PARD3: variants seen among roughly 807,000 people sequenced by gnomAD.
The protein encoded by PARD3 is par-3 family cell polarity regulator.
PARD3 carries 75 observed loss-of-function variants against 155.4 expected under a neutral mutation model. That is an observed-to-expected ratio of 0.48 (90% CI 0.40 to 0.58). The LOEUF is 0.58. Among genes scored for constraint, PARD3 ranks in the 20% least tolerant of loss-of-function variants. PARD3 has a pLI of 0.00. For missense variants in PARD3, 1,642 were observed against 1,721.7 expected (o/e 0.95, Z 0.82); for synonymous variants, 576 against 610.5 (o/e 0.94, Z 0.83).
intron 1 of PARD3, among the ~76,000 whole-genome samples, chr10:34,726,324 G>A (rs1033435163): frequency 3.9e-5 from 6 of 152,144 alleles, no homozygotes; most frequent in Admixed American, 3.9e-4. Context: ...AGTGGCTCAC[G>A]CCTGTAATCC....
At chr10:34,640,900 G>A (rs936480211) in intron 2 of PARD3, among the ~76,000 whole-genome samples, 2 of 151,854 alleles carry the variant, frequency 1.3e-5, no homozygotes, top group Non-Finnish European at 2.9e-5. Flanking sequence ...GGGAGGGAGG[G>A]AATGTGATAT....
At chr10:34,548,545 G>A (rs1589969044) in intron 2 of PARD3, among the ~76,000 whole-genome samples, 1 of 137,602 alleles carries the variant, frequency 7.3e-6, no homozygotes, top group African/African-American at 2.9e-5. Flanking sequence ...ACGTATGAAG[G>A]ATATTTTAAG....
intron 22 of PARD3, among the ~76,000 whole-genome samples, chr10:34,267,763 C>T (rs1955397936): frequency 6.6e-6 from 1 of 152,120 alleles, no homozygotes; most frequent in Non-Finnish European, 1.5e-5. Flanking sequence ...GGGTTCTTAA[C>T]AGTGCCATCC....
chr10:34,524,471 CAT>C (rs2082345775), intron 2 of PARD3, among the ~76,000 whole-genome samples: 2 of 152,200 alleles, frequency 1.3e-5, no homozygotes, highest in Admixed American at 1.3e-4. Flanking sequence ...CTCAGGGTGA[CAT>C]AGTCTATCAC....
intron 2 of PARD3, among the ~76,000 whole-genome samples, chr10:34,580,777 T>C (rs568879410): frequency 2.0e-5 from 3 of 152,280 alleles, no homozygotes; most frequent in African/African-American, 7.2e-5. Context: ...CAGATTACAA[T>C]AGCAGGGCCA....
intron 19 of PARD3, among the ~76,000 whole-genome samples, 176 bp from the exon 20 acceptor site, chr10:34,317,514 GT>G (rs1436126223): frequency 3.3e-5 from 5 of 152,190 alleles, no homozygotes; most frequent in African/African-American, 1.2e-4. Context: ...AACATGTGAT[GT>G]GGATGCCTCC....
At chr10:34,632,698 CTTA>C (rs901078776) in intron 2 of PARD3, among the ~76,000 whole-genome samples, 5 of 152,160 alleles carry the variant, frequency 3.3e-5, no homozygotes, top group African/African-American at 1.2e-4. Flanking sequence ...CAGTCAAAAG[CTTA>C]TTATACTGAT....
At chr10:34,730,988 C>T (rs2094806909) in intron 1 of PARD3, among the ~76,000 whole-genome samples, 1 of 152,140 alleles carries the variant, frequency 6.6e-6, no homozygotes, top group Non-Finnish European at 1.5e-5. Flanking sequence ...TGTAAGTACA[C>T]AACATTGTGC....
At chr10:34,539,928 T>C (rs1394866532) in intron 2 of PARD3, among the ~76,000 whole-genome samples, 1 of 152,234 alleles carries the variant, frequency 6.6e-6, no homozygotes, top group Non-Finnish European at 1.5e-5. Flanking sequence ...AACATTTTAC[T>C]AACACACTGT....
chr10:34,651,049 A>AG (rs1434137160), intron 2 of PARD3, among the ~76,000 whole-genome samples: 25 of 128,866 alleles, frequency 1.9e-4, no homozygotes, highest in South Asian at 2.5e-4. Context: ...AAAAAAAAAA[A>AG]GGCAGTACAC....
intron 5 of PARD3, among the ~76,000 whole-genome samples, chr10:34,416,704 C>T (rs1845711554): frequency 6.6e-6 from 1 of 152,112 alleles, no homozygotes; most frequent in African/African-American, 2.4e-5. Flanking sequence ...CATCCATTTG[C>T]TAGAGATAGA....
intron 22 of PARD3, among the ~76,000 whole-genome samples, chr10:34,140,751 T>C (rs1196825359): frequency 5.3e-5 from 8 of 152,242 alleles, no homozygotes; most frequent in African/African-American, 1.9e-4. Context: ...TCACAGGTCA[T>C]AAATTCACAG....
At chr10:34,125,962 C>A (rs1055504674) in intron 23 of PARD3, among the ~76,000 whole-genome samples, 22 of 152,202 alleles carry the variant, frequency 1.4e-4, no homozygotes, top group African/African-American at 5.3e-4. Flanking sequence ...CGTCTGCAGC[C>A]TGCAATTTAG....
chr10:34,262,690 AT>A (rs1955088940), intron 22 of PARD3, among the ~76,000 whole-genome samples: 1 of 152,214 alleles, frequency 6.6e-6, no homozygotes, highest in Non-Finnish European at 1.5e-5. Context: ...TCCATGGAGT[AT>A]TGCAAACTCA....
At chr10:34,443,353 T>A (rs2076566818) in intron 5 of PARD3, among the ~76,000 whole-genome samples, 1 of 152,168 alleles carries the variant, frequency 6.6e-6, no homozygotes, top group African/African-American at 2.4e-5. Flanking sequence ...TCTCAAATAA[T>A]TTTTGAATAT....
chr10:34,680,984 TA>T (rs77097866), intron 2 of PARD3, among the ~76,000 whole-genome samples: 6,417 of 126,274 alleles, frequency 0.051, 387 homozygotes, highest in African/African-American at 0.15. Context: ...TAAAGTATAA[TA>T]AAAAAAAAAA....
chr10:34,713,677 G>A (rs940798586), intron 1 of PARD3, among the ~76,000 whole-genome samples: 1 of 152,032 alleles, frequency 6.6e-6, no homozygotes, highest in Non-Finnish European at 1.5e-5. Flanking sequence ...GAGGTAGGAG[G>A]ATCGCTTGAG....
intron 3 of PARD3, among the ~76,000 whole-genome samples, chr10:34,503,056 T>TAA (rs140849962): frequency 7.2e-5 from 11 of 151,900 alleles, no homozygotes; most frequent in African/African-American, 2.4e-4. Flanking sequence ...TTCTGGTTAT[T>TAA]AAAAAAAATT....
intron 2 of PARD3, among the ~76,000 whole-genome samples, chr10:34,556,379 T>C (rs1195963553): frequency 1.5e-5 from 2 of 131,458 alleles, no homozygotes; most frequent in Non-Finnish European, 3.0e-5. Context: ...ATTCCTTTTC[T>C]TCTTTCTTTT....
Sources: gnomAD v4.1 joint callset for allele counts (sites outside exome capture counted in the v4.1 genomes callset) on GRCh38, gnomAD v4.1.1 for gene constraint, MANE v1.5 for transcripts, NCBI Gene and HGNC (gene_info 2026-07-23, HGNC 2026-07-21) for gene names.